BNC2: variants seen among roughly 807,000 people sequenced by gnomAD.
The protein encoded by BNC2 is zinc finger protein basonuclin-2.
A neutral mutation model predicts 76.3 loss-of-function variants in BNC2; 20 were observed. The ratio of observed to expected loss-of-function variants is 0.26; its 90% CI spans 0.18 to 0.38. BNC2 has a LOEUF of 0.38. Ranked by LOEUF, BNC2 falls within the 10% of genes least tolerant of loss-of-function variation. BNC2 has a pLI of 1.00. For synonymous variants in BNC2, 582 were observed against 514.8 expected (o/e 1.13, Z -1.77); for missense variants, 1,382 against 1,399.8 (o/e 0.99, Z 0.20).
chr9:16,456,813 T>G (rs1821461894), intron 5 of BNC2, among the ~76,000 whole-genome samples: 1 of 151,996 alleles, frequency 6.6e-6, no homozygotes, highest in South Asian at 2.1e-4. Context: ...AGTGGGACAG[T>G]GGTGGAATAT....
At chr9:16,869,884 A>G (rs879847940) in intron 1 of BNC2, among the ~76,000 whole-genome samples, 3 of 152,046 alleles carry the variant, frequency 2.0e-5, no homozygotes, top group Non-Finnish European at 4.4e-5. Context: ...AGGGTTTTTC[A>G]GCATATATAA....
rs1820501555 is a variant in BNC2 at position 16,412,812 on chromosome 9, A to C, written c.*6177T>G. 1 of 151,194 alleles carries C rather than the reference A, an allele frequency of 6.6e-6. No homozygotes were observed. The highest frequency in any genetic ancestry group is 1.5e-5 in the Non-Finnish European group (1 of 67,892). The allele number at this position is 151,194 out of a possible 1,614,324, so 9.4% of individuals were successfully genotyped here. ...GTGTACATCAGGGAACTCGATGGGA[A>C]AGCCTAGCCCTTGTAGTCAATTTCT... On this transcript the variant is annotated 3_prime_UTR_variant, in exon 7 of 7. Coordinates refer to ENST00000380672, the MANE Select transcript of BNC2 (RefSeq NM_017637.6).
chr9:16,418,872 T>TGCGCACACACACACGC lies in BNC2; in HGVS notation c.*116_*117insGCGTGTGTGTGTGCGC. On this transcript the variant is annotated 3_prime_UTR_variant, in exon 7 of 7. Coordinates refer to ENST00000380672, the MANE Select transcript of BNC2 (RefSeq NM_017637.6). Reference sequence around the variant, plus strand: ...TATGTAGCCACAGAGCATACATAAATGCACACACACACACACACACACACA... The same window carrying TGCGCACACACACACGC: ...TATGTAGCCACAGAGCATACATAAATGCGCACACACACACGCGCACACACACACACACACACACACA... 1 of 519,460 alleles carries TGCGCACACACACACGC rather than the reference T, an allele frequency of 1.9e-6. No homozygotes were observed. Among genetic ancestry groups the TGCGCACACACACACGC allele is most frequent in the Non-Finnish European group, 2.7e-6 (1 of 364,592 alleles). The allele number at this position is 519,460 out of a possible 1,614,324, so 32.2% of individuals were successfully genotyped here. A position where few individuals can be genotyped will look rare whatever the true frequency, so the allele number is the denominator to read the frequency against.
At chr9:16,672,578 A>T (rs1822512832) in intron 3 of BNC2, among the ~76,000 whole-genome samples, 1 of 152,224 alleles carries the variant, frequency 6.6e-6, no homozygotes, top group Non-Finnish European at 1.5e-5. Context: ...ATGAAATCAT[A>T]ATTACGATTT....
intron 6 of BNC2, among the ~76,000 whole-genome samples, chr9:16,420,248 A>G (rs1434698903): frequency 1.3e-5 from 2 of 152,194 alleles, no homozygotes; most frequent in Non-Finnish European, 2.9e-5. Context: ...ACAATAGCTT[A>G]ACAGATTAAG....
At chr9:16,532,175 C>A (rs2132241983) in intron 5 of BNC2, among the ~76,000 whole-genome samples, 1 of 151,036 alleles carries the variant, frequency 6.6e-6, no homozygotes, top group Non-Finnish European at 1.5e-5. Context: ...ACTATAGGAT[C>A]TGCTTATTAT....
In BNC2 at chr9:16,582,894, C is replaced by CAG. The variant is rs1554680080; in HGVS notation, c.433+88_433+89insCT. 71 of 468,976 alleles carry CAG rather than the reference C, an allele frequency of 1.5e-4. 1 individual carries two copies. The highest frequency in any genetic ancestry group is 3.2e-4 in the East Asian group (6 of 18,734). 29.1% of individuals were successfully genotyped at this position (468,976 alleles called of 1,614,324 possible). ...CAGGCCAGTGACTCCTCTAAACAGA[C>CAG]ACACACACACACACACACACACACA... On this transcript the variant is annotated intron_variant, in intron 4 of 6. Coordinates refer to ENST00000380672, the MANE Select transcript of BNC2 (RefSeq NM_017637.6).
chr9:16,854,733 A>G (rs958856373), intron 1 of BNC2, among the ~76,000 whole-genome samples: 4 of 152,050 alleles, frequency 2.6e-5, no homozygotes, highest in African/African-American at 9.7e-5. Context: ...ACTAGCTCCC[A>G]GGACAGTTGC....
At chr9:16,496,579 C>A (rs1822393864) in intron 5 of BNC2, among the ~76,000 whole-genome samples, 1 of 152,198 alleles carries the variant, frequency 6.6e-6, no homozygotes, top group African/African-American at 2.4e-5. Context: ...GAACAGACAT[C>A]TAAGGTTTAA....
chr9:16,757,813 T>C (rs1825429820), intron 1 of BNC2, among the ~76,000 whole-genome samples: 1 of 152,102 alleles, frequency 6.6e-6, no homozygotes, highest in African/African-American at 2.4e-5. Flanking sequence ...TATAATAAAG[T>C]CTTATAAATT....
At chr9:16,622,844 G>A (rs959391134) in intron 3 of BNC2, among the ~76,000 whole-genome samples, 3 of 151,962 alleles carry the variant, frequency 2.0e-5, no homozygotes, top group African/African-American at 7.3e-5. Context: ...AACAATTTCA[G>A]GTGACAATTT....
chr9:16,581,937 G>A (rs907289354), intron 4 of BNC2, among the ~76,000 whole-genome samples: 29 of 152,214 alleles, frequency 1.9e-4, no homozygotes, highest in Non-Finnish European at 2.6e-4. Flanking sequence ...ACAGAAACAT[G>A]GCTGAAATGT....
In BNC2 at chr9:16,702,196, C is replaced by T. The variant is rs555665372; in HGVS notation, c.330+25601G>A. On this transcript the variant is annotated intron_variant, in intron 3 of 6. Coordinates refer to ENST00000380672, the MANE Select transcript of BNC2 (RefSeq NM_017637.6). ...TTAATTCTACAGAGGTGTAAACACT[C>T]GAAGCTTTAGTGTGGTCTTAGTTCC... 1.2e-4 allele frequency among the ~76,000 whole-genome samples: 19 copies of T among 152,166 alleles called. No homozygotes were observed. The South Asian group carries it at 1.5e-3, about 12-fold the overall frequency.
intron 3 of BNC2, among the ~76,000 whole-genome samples, chr9:16,695,346 G>T (rs570713216): frequency 6.6e-6 from 1 of 151,656 alleles, no homozygotes; most frequent in African/African-American, 2.4e-5. Context: ...ACCCAGACTG[G>T]GATGCAGTGA....
At chr9:16,516,282 C>T (rs929988795) in intron 5 of BNC2, among the ~76,000 whole-genome samples, 1 of 151,644 alleles carries the variant, frequency 6.6e-6, no homozygotes, top group Non-Finnish European at 1.5e-5. Flanking sequence ...GTGTAGATAA[C>T]GTTCTTGTGA....
chr9:16,749,952 T>C (rs9987475), intron 1 of BNC2, among the ~76,000 whole-genome samples: 130,913 of 152,138 alleles, frequency 0.86, 56,727 homozygotes, highest in Non-Finnish European at 0.91. Context: ...AATATTCCCC[T>C]AGAACATAAG....
At position 16,858,416 on chromosome 9, in the gene BNC2, C is replaced by G. The variant is rs148744323; in HGVS notation, c.3+12230G>C. ...CTTGTCCCCTGGAGTACTACCAAGA[C>G]TTTTTTACCTAAACAATAGAATGTA... On this transcript the variant is annotated intron_variant, in intron 1 of 6. Transcript: ENST00000380672. 2.8e-3 allele frequency among the ~76,000 whole-genome samples: 431 copies of G among 152,266 alleles called. 1 individual carries two copies. The highest frequency in any genetic ancestry group is 4.2e-3 in the Non-Finnish European group (284 of 68,014).
chr9:16,561,806 C>A (rs1037550627), intron 4 of BNC2, among the ~76,000 whole-genome samples: 1 of 152,036 alleles, frequency 6.6e-6, no homozygotes, highest in African/African-American at 2.4e-5. Flanking sequence ...GAGTTCGACA[C>A]CAGCCTGGGC....
At chr9:16,497,412 C>T (rs764364296) in intron 5 of BNC2, among the ~76,000 whole-genome samples, 2 of 152,158 alleles carry the variant, frequency 1.3e-5, no homozygotes, top group Non-Finnish European at 2.9e-5. Context: ...AAAGCAGAGA[C>T]CATGCCCTTT....
Sources: gnomAD v4.1 joint callset for allele counts (sites outside exome capture counted in the v4.1 genomes callset) on GRCh38, gnomAD v4.1.1 for gene constraint, MANE v1.5 for transcripts, NCBI Gene and HGNC (gene_info 2026-07-23, HGNC 2026-07-21) for gene names.